The following CNTLN variants were observed in gnomAD, a reference collection of about 807,000 sequenced individuals.
CNTLN encodes the protein centlein, centrosomal protein.
Under a neutral mutation model 180.0 loss-of-function variants are expected in CNTLN, and 212 were observed. The ratio of observed to expected loss-of-function variants is 1.18; its 90% CI spans 1.05 to 1.32. The LOEUF is 1.32. Ranked by LOEUF, CNTLN falls within the 40% of genes most tolerant of loss-of-function variation. The pLI is 0.00. For synonymous variants in CNTLN, 722 were observed against 563.1 expected, an observed-to-expected ratio of 1.28 and a Z score of -3.99; for missense variants, 2,095 against 1,610.9, an observed-to-expected ratio of 1.30 and a Z score of -5.14.
intron 12 of CNTLN, among the ~76,000 whole-genome samples, chr9:17,360,053 A>G (rs975971924): frequency 2.0e-5 from 3 of 151,888 alleles, no homozygotes; most frequent in Non-Finnish European, 2.9e-5. Flanking sequence ...CTTTTTTTCC[A>G]ATTTAAGTAT....
intron 8 of CNTLN, among the ~76,000 whole-genome samples, chr9:17,328,735 A>G (rs949824153): frequency 1.3e-5 from 2 of 152,102 alleles, no homozygotes; most frequent in Non-Finnish European, 1.5e-5. Flanking sequence ...TTTTAAAGCT[A>G]TTACTTTAAA....
At chr9:17,433,481 T>A (rs1829553495) in intron 18 of CNTLN, among the ~76,000 whole-genome samples, 1 of 152,042 alleles carries the variant, frequency 6.6e-6, no homozygotes, top group African/African-American at 2.4e-5. Context: ...AGAGGGGGTT[T>A]CACCATGTTG....
At chr9:17,270,759 T>C (rs76334997) in intron 5 of CNTLN, among the ~76,000 whole-genome samples, 1,624 of 152,246 alleles carry the variant, frequency 0.011, 30 homozygotes, top group African/African-American at 0.036. Context: ...TGATTAAATG[T>C]GTTGATATTT....
At chr9:17,516,538 G>T in the CNTLN span, among the ~76,000 whole-genome samples, 1 of 152,110 alleles carries the variant, frequency 6.6e-6, no homozygotes. Flanking sequence ...CTGGACAAAG[G>T]GGGAGTCTGA....
chr9:17,343,663 G>C (rs1821656635), intron 12 of CNTLN, among the ~76,000 whole-genome samples: 1 of 152,044 alleles, frequency 6.6e-6, no homozygotes, highest in Non-Finnish European at 1.5e-5. Context: ...AATTTCAGTA[G>C]CTTTATTGAA....
intron 12 of CNTLN, among the ~76,000 whole-genome samples, chr9:17,352,412 A>T (rs1344094): frequency 0.037 from 587 of 15,690 alleles, 5 homozygotes; most frequent in African/African-American, 0.07. Context: ...ATATATATAT[A>T]TATATTTTTT....
intron 6 of CNTLN, among the ~76,000 whole-genome samples, chr9:17,296,661 T>C (rs989263003): frequency 6.6e-6 from 1 of 152,172 alleles, no homozygotes; most frequent in Non-Finnish European, 1.5e-5. Context: ...GTGGGTCTTT[T>C]TTCCCCTCCT....
chr9:17,305,461 G>C (rs1424951396), intron 7 of CNTLN, among the ~76,000 whole-genome samples: 1 of 151,572 alleles, frequency 6.6e-6, no homozygotes, highest in Non-Finnish European at 1.5e-5. Context: ...AACTCAGTAT[G>C]CCTAAAGCAA....
At chr9:17,235,571 A>G (rs1825090853) in intron 3 of CNTLN, 87 bp from the exon 4 acceptor site, 2 of 1,084,910 alleles carry the variant, frequency 1.8e-6, no homozygotes, top group Non-Finnish European at 2.7e-6. Context: ...TCATCACATT[A>G]GCAAATCAAA....
chr9:17,433,034 A>AC (rs1387920417), intron 18 of CNTLN, among the ~76,000 whole-genome samples: 97 of 141,580 alleles, frequency 6.9e-4, no homozygotes, highest in Admixed American at 2.9e-3. Context: ...AAAAAAAAAA[A>AC]AAAACAAAGA....
chr9:17,409,220 G>A, intron 15 of CNTLN, 73 bp from the exon 16 acceptor site: 1 of 1,358,644 alleles, frequency 7.4e-7, no homozygotes, highest in Non-Finnish European at 1.0e-6. Flanking sequence ...ATATTATTTG[G>A]TCTTGAACTT....
At chr9:17,212,132 C>G (rs969453752) in intron 2 of CNTLN, among the ~76,000 whole-genome samples, 6 of 152,094 alleles carry the variant, frequency 3.9e-5, no homozygotes, top group South Asian at 4.1e-4. Flanking sequence ...TGTCTTGTGC[C>G]AGTTTTCAAA....
At position 17,502,750 on chromosome 9, in the gene CNTLN, A is replaced by G; in HGVS notation, c.*98A>G. ...TCCTGACACGGTATCTGCTCCAACT[A>G]TCAATAGTCAGGTTCAATACCAAAA... is the stretch of plus-strand genomic sequence containing the variant. On this transcript the variant is annotated 3_prime_UTR_variant, in exon 26 of 26. Coordinates refer to ENST00000380647, the MANE Select transcript of CNTLN (RefSeq NM_017738.4). 2.1e-6 allele frequency: 1 copy of G among 468,046 alleles called. No individual in the cohort carries two copies. 29.0% of individuals were successfully genotyped at this position (468,046 alleles called of 1,614,324 possible). A position where few individuals can be genotyped will look rare whatever the true frequency, so the allele number is the denominator to read the frequency against.
intron 16 of CNTLN, among the ~76,000 whole-genome samples, chr9:17,411,661 A>C (rs1827851985): frequency 6.6e-6 from 1 of 152,158 alleles, no homozygotes; most frequent in Non-Finnish European, 1.5e-5. Flanking sequence ...TTAGACTCTC[A>C]CATAAGCATG....
intron 12 of CNTLN, among the ~76,000 whole-genome samples, chr9:17,355,731 T>A (rs1026472975): frequency 1.3e-5 from 2 of 152,300 alleles, no homozygotes; most frequent in South Asian, 4.1e-4. Context: ...ATTAATGAGA[T>A]TGATTAATAA....
At chr9:17,413,289 G>A (rs1213937205) in intron 16 of CNTLN, among the ~76,000 whole-genome samples, 2 of 152,090 alleles carry the variant, frequency 1.3e-5, no homozygotes, top group East Asian at 1.9e-4. Context: ...TATAAATGTA[G>A]AATATTAAAT....
At chr9:17,253,907 A>G (rs1253845826) in intron 5 of CNTLN, among the ~76,000 whole-genome samples, 2 of 151,300 alleles carry the variant, frequency 1.3e-5, no homozygotes, top group Non-Finnish European at 3.0e-5. Context: ...GATGTTAGTT[A>G]TATGTTTGAT....
intron 2 of CNTLN, among the ~76,000 whole-genome samples, chr9:17,149,209 G>C (rs956813055): frequency 6.6e-6 from 1 of 152,128 alleles, no homozygotes; most frequent in Non-Finnish European, 1.5e-5. Flanking sequence ...TCTTTATCCA[G>C]TCTATCATTG....
chr9:17,180,727 A>C (rs1821073879), intron 2 of CNTLN, among the ~76,000 whole-genome samples: 1 of 152,040 alleles, frequency 6.6e-6, no homozygotes, highest in South Asian at 2.1e-4. Context: ...GTTTGGTCTC[A>C]TGACAACCAA....
Sources: gnomAD v4.1 joint callset for allele counts (sites outside exome capture counted in the v4.1 genomes callset) on GRCh38, gnomAD v4.1.1 for gene constraint, MANE v1.5 for transcripts, NCBI Gene and HGNC (gene_info 2026-07-23, HGNC 2026-07-21) for gene names.